The following HMGCL variants were observed in gnomAD, a reference collection of about 807,000 sequenced individuals.
The protein encoded by HMGCL is hydroxymethylglutaryl-CoA lyase, mitochondrial.
In HMGCL, 26 loss-of-function variants were observed where a neutral mutation model predicts 37.3. The observed-to-expected ratio is 0.70, with a 90% CI of 0.51 to 0.97. HMGCL has a LOEUF of 0.97. Ranked by LOEUF, HMGCL falls within the 50% of genes least tolerant of loss-of-function variation. HMGCL has a pLI of 0.00. For synonymous variants in HMGCL, 151 were observed against 148.0 expected, an observed-to-expected ratio of 1.02 and a Z score of -0.15; for missense variants, 379 against 398.1, an observed-to-expected ratio of 0.95 and a Z score of 0.41.
intron 5 of HMGCL, among the ~76,000 whole-genome samples, chr1:23,812,675 G>A (rs532154273): frequency 1.6e-4 from 25 of 152,308 alleles, no homozygotes; most frequent in African/African-American, 5.5e-4. Context: ...AAGAGTGGAG[G>A]CATGTGACAA....
In HMGCL at chr1:23,808,600, CT is replaced by C. The variant is rs566990793; in HGVS notation, c.562-278del. ...TTCCTCCCTACCTGTGCCCCTCAGACTTCAGTCTCACTTACGGCTGTCACAT... is the reference window on the plus strand; with the variant it reads ...TTCCTCCCTACCTGTGCCCCTCAGACTCAGTCTCACTTACGGCTGTCACAT... On this transcript the variant is annotated intron_variant, in intron 6 of 8. Transcript: ENST00000374490. Among the ~76,000 whole-genome samples the C allele has an allele frequency of 9.7e-4, 148 of 152,336 alleles. 2 individuals are homozygous for C. Among genetic ancestry groups the C allele is most frequent in the Middle Eastern group, 6.8e-3 (2 of 294 alleles).
At position 23,801,994 on chromosome 1, in the gene HMGCL, T is replaced by G; in HGVS notation, c.*469A>C. On this transcript the variant is annotated 3_prime_UTR_variant, in exon 9 of 9. Transcript: ENST00000374490. ...TTGGCAGACGGCCACCACGTAGCTC[T>G]CCACTTTCCACAAATGGCCTCTGCC... 2.3e-6 allele frequency: 1 copy of G among 430,318 alleles called. No individual in the cohort carries two copies. The highest frequency in any genetic ancestry group is 4.1e-6 in the Non-Finnish European group (1 of 243,150). 26.7% of individuals were successfully genotyped at this position (430,318 alleles called of 1,614,324 possible).
Position 23,817,590 on chromosome 1 carries a change from T to C in HMGCL, c.145-7A>G, listed in dbSNP as rs1330736884. ...CTGGAGTAGATACGATATTCTATAG[T>C]GGAGAGAGAAACACCAAGGCAGCAA... On this transcript the variant is annotated splice_region_variant and splice_polypyrimidine_tract_variant and intron_variant, in intron 2 of 8. Transcript: ENST00000374490. 2 of 1,571,388 alleles carry C rather than the reference T, an allele frequency of 1.3e-6. No homozygotes were observed. The highest frequency in any genetic ancestry group is 1.8e-6 in the Non-Finnish European group (2 of 1,141,702).
intron 7 of HMGCL, among the ~76,000 whole-genome samples, chr1:23,807,706 C>T (rs931284242): frequency 6.6e-6 from 1 of 152,202 alleles, no homozygotes; most frequent in Admixed American, 6.5e-5. Context: ...CACTGAAAAC[C>T]CTGTATATTG....
At chr1:23,815,383 A>T (rs1431076804) in intron 4 of HMGCL, among the ~76,000 whole-genome samples, 2 of 152,132 alleles carry the variant, frequency 1.3e-5, no homozygotes, top group Non-Finnish European at 2.9e-5. Flanking sequence ...CAGAGGCCTC[A>T]GAAGGAACCA....
intron 5 of HMGCL, among the ~76,000 whole-genome samples, chr1:23,812,144 C>T (rs191347123): frequency 6.6e-6 from 1 of 152,194 alleles, no homozygotes; most frequent in African/African-American, 2.4e-5. Flanking sequence ...GGGCTTTGCC[C>T]TCATGGAGTG....
chr1:23,810,687 C>G, intron 6 of HMGCL, 49 bp downstream of exon 6: 1 of 1,536,440 alleles, frequency 6.5e-7, no homozygotes, highest in Non-Finnish European at 9.0e-7. Context: ...CAGGGGCAGA[C>G]AAGGTGGCCA....
intron 4 of HMGCL, among the ~76,000 whole-genome samples, chr1:23,815,687 G>C (rs1638598987): frequency 6.6e-6 from 1 of 151,696 alleles, no homozygotes; most frequent in Admixed American, 6.6e-5. Flanking sequence ...AGTAGAGACG[G>C]GGTTTCATCG....
intron 1 of HMGCL, among the ~76,000 whole-genome samples, chr1:23,822,093 CACCGTGTTTGGT>C (rs1337528489): frequency 3.3e-5 from 5 of 152,314 alleles, no homozygotes; most frequent in East Asian, 1.9e-4. Flanking sequence ...TAGTGTTTGG[CACCGTGTTTGGT>C]ACAAAGTAGC....
intron 7 of HMGCL, among the ~76,000 whole-genome samples, chr1:23,807,508 C>T (rs1638434426): frequency 6.6e-6 from 1 of 152,210 alleles, no homozygotes; most frequent in African/African-American, 2.4e-5. Context: ...TAAGAATGCT[C>T]CTTCTATCTG....
chr1:23,818,662 C>T (rs1306734153), intron 2 of HMGCL, among the ~76,000 whole-genome samples: 1 of 152,020 alleles, frequency 6.6e-6, no homozygotes, highest in African/African-American at 2.4e-5. Context: ...AGCGATTCTC[C>T]TGCCTCAGCC....
At position 23,804,879 on chromosome 1, in the gene HMGCL, C is replaced by A. The variant is rs181040879; in HGVS notation, c.751-354G>T. Among the ~76,000 whole-genome samples, 205 of 123,908 alleles carry A rather than the reference C, an allele frequency of 1.7e-3. 2 individuals carry two copies. Among genetic ancestry groups the A allele is most frequent in the African/African-American group, 5.7e-3 (188 of 33,172 alleles). 81.3% of individuals were successfully genotyped at this position (123,908 alleles called of 152,430 possible). On this transcript the variant is annotated intron_variant, in intron 7 of 8. Coordinates refer to ENST00000374490, the MANE Select transcript of HMGCL (RefSeq NM_000191.3). ...TGTTTACTGTGATTCATTTATTACCCCCCCCCCACTTACCCCCCACCACCT... is the reference window on the plus strand; with the variant it reads ...TGTTTACTGTGATTCATTTATTACCACCCCCCCACTTACCCCCCACCACCT...
intron 5 of HMGCL, among the ~76,000 whole-genome samples, chr1:23,813,040 C>G (rs1161866309): frequency 6.6e-6 from 1 of 151,584 alleles, no homozygotes; most frequent in African/African-American, 2.4e-5. Flanking sequence ...CAGGTGCATG[C>G]CACTACGCCC....
chr1:23,806,950 C>T lies in HMGCL; in HGVS notation c.750+1185G>A. 1 of 518,766 alleles carries T rather than the reference C, an allele frequency of 1.9e-6. No homozygotes were observed. Among genetic ancestry groups the T allele is most frequent in the Non-Finnish European group, 3.8e-6 (1 of 259,846 alleles). The allele number at this position is 518,766 out of a possible 1,614,324, so 32.1% of individuals were successfully genotyped here. A position where few individuals can be genotyped will look rare whatever the true frequency, so the allele number is the denominator to read the frequency against. On this transcript the variant is annotated intron_variant, in intron 7 of 8. Coordinates refer to ENST00000374490, the MANE Select transcript of HMGCL (RefSeq NM_000191.3). This position sits in a 1 kb window ranked among gnomAD's most constrained non-coding sequence, Gnocchi z 4.0. ...ACCATTGTCTAAGTCAGCACTTAAC[C>T]TGGCACATCGATCCATATTTCCGAA... is the stretch of plus-strand genomic sequence containing the variant.
chr1:23,805,995 G>A (rs903274599), intron 7 of HMGCL, among the ~76,000 whole-genome samples: 12 of 151,712 alleles, frequency 7.9e-5, no homozygotes, highest in African/African-American at 2.9e-4. Context: ...AGGCTGGAGT[G>A]CACTGGCGCC....
chr1:23,816,810 G>T (rs746002652), intron 3 of HMGCL, 40 bp from the exon 4 acceptor site: 4 of 1,208,158 alleles, frequency 3.3e-6, no homozygotes, highest in Non-Finnish European at 3.7e-6. Context: ...ATCACCAAGA[G>T]CAGACAGAGA....
Position 23,815,756 on chromosome 1 carries a change from A to C in HMGCL, c.348+919T>G, listed in dbSNP as rs182061239. Among the ~76,000 whole-genome samples, 58 of 151,970 alleles carry C rather than the reference A, an allele frequency of 3.8e-4. 1 individual carries two copies. The East Asian group carries it at 9.1e-3, about 24-fold the overall frequency. Reference sequence around the variant, plus strand: ...ATGATCCGCCCGCCCTGGTCTCCCAAAGTGCTAGGATTACAGGCGTGAGCC... The same window carrying C: ...ATGATCCGCCCGCCCTGGTCTCCCACAGTGCTAGGATTACAGGCGTGAGCC... On this transcript the variant is annotated intron_variant, in intron 4 of 8. Transcript: ENST00000374490.
At chr1:23,825,036 A>C (rs1432525594) in intron 1 of HMGCL, among the ~76,000 whole-genome samples, 1 of 152,156 alleles carries the variant, frequency 6.6e-6, no homozygotes, top group African/African-American at 2.4e-5. Context: ...AGAGTTGGAG[A>C]GGTCTGAAGT....
At chr1:23,808,423 G>C in intron 6 of HMGCL, 100 bp from the exon 7 acceptor site, 1 of 935,620 alleles carries the variant, frequency 1.1e-6, no homozygotes, top group Non-Finnish European at 1.8e-6. Flanking sequence ...ACACTTCTGG[G>C]TATGACGCAC....
Sources: gnomAD v4.1 joint callset for allele counts (sites outside exome capture counted in the v4.1 genomes callset) on GRCh38, gnomAD v4.1.1 for gene constraint, Gnocchi (gnomAD v3.1) non-coding constraint, MANE v1.5 for transcripts, NCBI Gene and HGNC (gene_info 2026-07-23, HGNC 2026-07-21) for gene names.